Variants in SLC39A6 observed in about 807,000 individuals in gnomAD.
SLC39A6 encodes solute carrier family 39 member 6.
SLC39A6 carries 51 observed loss-of-function variants against 63.5 expected under a neutral mutation model. That is an observed-to-expected ratio of 0.80 (90% CI 0.64 to 1.01). The LOEUF is 1.01. Ranked by LOEUF, SLC39A6 falls within the 50% of genes least tolerant of loss-of-function variation. SLC39A6 has a pLI of 0.00. For synonymous variants in SLC39A6, 318 were observed against 324.7 expected (o/e 0.98, Z 0.22); for missense variants, 805 against 927.8 (o/e 0.87, Z 1.72).
At chr18:36,128,084 A>G (rs1055325028) in intron 1 of SLC39A6, among the ~76,000 whole-genome samples, 1 of 152,230 alleles carries the variant, frequency 6.6e-6, no homozygotes, top group Non-Finnish European at 1.5e-5. Context: ...CAGGCTGTTA[A>G]TCATCCACAG....
Position 36,127,029 on chromosome 18 carries a change from G to A in SLC39A6, c.-9-13C>T, listed in dbSNP as rs370048857. 133 of 1,552,270 alleles carry A rather than the reference G, an allele frequency of 8.6e-5. No individual in the cohort carries two copies. Among genetic ancestry groups the A allele is most frequent in the Middle Eastern group, 5.9e-4 (3 of 5,098 alleles). On this transcript the variant is annotated splice_polypyrimidine_tract_variant and intron_variant, in intron 1 of 9. Coordinates refer to ENST00000269187, the MANE Select transcript of SLC39A6 (RefSeq NM_012319.4). The stretch of plus-strand genomic sequence containing the variant: ...CCATTGCGCCTTCCTAGAAAAGACA[G>A]GAAAAAAAAATTCTTGACTCACTTC...
rs555797878 is a variant in SLC39A6, at chr18:36,126,963, G to C, written c.45C>G (p.Leu15=). The C allele has an allele frequency of 1.9e-6, 3 of 1,614,132 alleles. No homozygotes were observed. Among genetic ancestry groups the C allele is most frequent in the Admixed American group, 1.7e-5 (1 of 60,020 alleles). ...LSVILILTFA[L]SVTNPLHELK... Reference sequence around the variant, plus strand: ...GTTCATGAAGGGGATTTGTGACAGAGAGGGCAAAGGTCAGGATCAAGATTA... The same window carrying C: ...GTTCATGAAGGGGATTTGTGACAGACAGGGCAAAGGTCAGGATCAAGATTA... The change falls in exon 2 of 10, where the codon CTC becomes CTG. Residue 15 remains leucine (L), a synonymous_variant. Coordinates refer to ENST00000269187, the MANE Select transcript of SLC39A6 (RefSeq NM_012319.4).
intron 6 of SLC39A6, among the ~76,000 whole-genome samples, chr18:36,114,970 A>T (rs965221756): frequency 7.2e-5 from 11 of 152,334 alleles, no homozygotes; most frequent in Admixed American, 7.2e-4. Context: ...TTTCATCATC[A>T]CCAAGAAGCA....
At chr18:36,113,816 T>C (rs1449820818) in intron 7 of SLC39A6, among the ~76,000 whole-genome samples, 3 of 152,138 alleles carry the variant, frequency 2.0e-5, no homozygotes, top group African/African-American at 7.2e-5. Flanking sequence ...ACATGCACCA[T>C]ACAAATTAAA....
Position 36,126,559 on chromosome 18 carries a change from T to A in SLC39A6, c.449A>T (p.Asp150Val), listed in dbSNP as rs762332240. The change falls in exon 2 of 10, where the codon GAC becomes GTC. Residue 150 changes from aspartate to valine, a missense_variant. Coordinates refer to ENST00000269187, the MANE Select transcript of SLC39A6 (RefSeq NM_012319.4). ...NKRKALCPDH[D>V]SDSSGKDPRN... Reference sequence around the variant, plus strand: ...AGGATCTTTACCTGAACTATCTGAGTCATGGTCTGGGCAAAGAGCTTTTCG... The same window carrying A: ...AGGATCTTTACCTGAACTATCTGAGACATGGTCTGGGCAAAGAGCTTTTCG... 3.7e-6 allele frequency: 6 copies of A among 1,614,194 alleles called. No homozygotes were observed. The South Asian group carries it at 6.6e-5, about 18-fold the overall frequency.
intron 7 of SLC39A6, among the ~76,000 whole-genome samples, chr18:36,113,694 T>G (rs2089320452): frequency 6.6e-6 from 1 of 152,224 alleles, no homozygotes; most frequent in Non-Finnish European, 1.5e-5. Context: ...TGGACTTAGA[T>G]GTATGAAGAT....
chr18:36,127,469 T>C (rs1176030225), intron 1 of SLC39A6, among the ~76,000 whole-genome samples: 3 of 151,406 alleles, frequency 2.0e-5, no homozygotes, highest in Non-Finnish European at 4.4e-5. Context: ...AGGCCAGGAG[T>C]TTGTGACCAG....
chr18:36,122,626 TCA>T (rs1486093670), intron 4 of SLC39A6, among the ~76,000 whole-genome samples: 1 of 151,128 alleles, frequency 6.6e-6, no homozygotes, highest in Non-Finnish European at 1.5e-5. Context: ...ACCAATGTCA[TCA>T]CACTAGCATT....
At chr18:36,128,615 G>A (rs2089474140) in intron 1 of SLC39A6, among the ~76,000 whole-genome samples, 1 of 152,140 alleles carries the variant, frequency 6.6e-6, no homozygotes, top group Admixed American at 6.5e-5. Context: ...GAGGCGAGGA[G>A]CGGGGTGGGA....
At chr18:36,110,740 C>T (rs1313249921) in intron 9 of SLC39A6, among the ~76,000 whole-genome samples, 2 of 152,096 alleles carry the variant, frequency 1.3e-5, no homozygotes, top group Non-Finnish European at 2.9e-5. Context: ...CAGGGTTTCA[C>T]CATGTTGGCC....
At position 36,124,593 on chromosome 18, in the gene SLC39A6, A is replaced by G. The variant is rs1216704048; in HGVS notation, c.897T>C (p.Asp299=). 1 of 1,594,902 alleles carries G rather than the reference A, an allele frequency of 6.3e-7. No individual in the cohort carries two copies. Among genetic ancestry groups the G allele is most frequent in the South Asian group, 1.1e-5 (1 of 89,810 alleles). ...TTGTATGAATCAGACAAGATCTAGC[A>G]TCAATTTGGTTGATGATGGCTGGAC... ...YLCPAIINQI[D]ARSCLIHTSE... is the part of the protein sequence containing the mutation. Residue 299 remains aspartate, a synonymous_variant, in exon 3 of 10, where the codon GAT becomes GAC. Transcript: ENST00000269187.
At position 36,126,738 on chromosome 18, in the gene SLC39A6, G is replaced by C; in HGVS notation, c.270C>G (p.Ile90Met). 6.2e-7 allele frequency: 1 copy of C among 1,614,158 alleles called. No individual in the cohort carries two copies. The highest frequency in any genetic ancestry group is 8.5e-7 in the Non-Finnish European group (1 of 1,180,022). ...QNIGIDKIKR[I>M]HIHHDHDHHS... is the part of the protein sequence containing the mutation. ...GATGGTCGTGGTCATGGTGTATATG[G>C]ATTCTTTTAATCTTATCTATGCCTA... The change falls in exon 2 of 10, where the codon ATC becomes ATG. Residue 90 changes from isoleucine (I) to methionine (M), a missense_variant. Physicochemically the swap from Ile to Met is conservative, Grantham distance 10 (BLOSUM62 1). This residue lies in a region of SLC39A6 where 639 missense variants were observed against 644.0 expected (regional missense o/e 0.99). Coordinates refer to ENST00000269187, the MANE Select transcript of SLC39A6 (RefSeq NM_012319.4).
chr18:36,128,445 A>C (rs1843509584), intron 1 of SLC39A6, among the ~76,000 whole-genome samples: 1 of 152,130 alleles, frequency 6.6e-6, no homozygotes, highest in Non-Finnish European at 1.5e-5. Flanking sequence ...TACTCGTTAA[A>C]CTCATGTGTT....
intron 6 of SLC39A6, among the ~76,000 whole-genome samples, chr18:36,116,153 C>T (rs149079809): frequency 2.3e-4 from 35 of 152,106 alleles, no homozygotes; most frequent in African/African-American, 7.2e-4. Context: ...GGAAGAATAA[C>T]GTCTACAGAG....
intron 6 of SLC39A6, 139 bp downstream of exon 6, chr18:36,116,535 C>A: frequency 1.7e-6 from 1 of 601,420 alleles, no homozygotes; most frequent in South Asian, 2.0e-5. Context: ...TACTCACTGG[C>A]AATATTTTAC....
At position 36,126,266 on chromosome 18, in the gene SLC39A6, G is replaced by C; in HGVS notation, c.742C>G (p.Arg248Gly). 6.2e-7 allele frequency: 1 copy of C among 1,614,176 alleles called. No homozygotes were observed. Among genetic ancestry groups the C allele is most frequent in the Non-Finnish European group, 8.5e-7 (1 of 1,180,038 alleles). The change falls in exon 2 of 10, where the codon CGA (arginine) becomes GGA (glycine). Residue 248 changes from arginine (R) to glycine (G), a missense_variant. Physicochemically the swap from Arg to Gly is moderately radical, Grantham distance 125 (BLOSUM62 -2). This residue lies in a region of SLC39A6 where 639 missense variants were observed against 644.0 expected (regional missense o/e 0.99). Transcript: ENST00000269187. ...TTTCTGGAATACATAAAGCCTTTTC[G>C]GGGCTCACTCACAGATTCATTTGTT... ...RKTNESVSEP[R>G]KGFMYSRNTN...
Position 36,108,787 on chromosome 18 carries a change from C to T in SLC39A6, c.*806G>A, listed in dbSNP as rs993920950. 2.0e-5 allele frequency: 3 copies of T among 152,142 alleles called. No individual in the cohort carries two copies. The highest frequency in any genetic ancestry group is 1.3e-4 in the Admixed American group (2 of 15,270). 9.4% of individuals were successfully genotyped at this position (152,142 alleles called of 1,614,324 possible). A position where few individuals can be genotyped will look rare whatever the true frequency, so the allele number is the denominator to read the frequency against. On this transcript the variant is annotated 3_prime_UTR_variant, in exon 10 of 10. Transcript: ENST00000269187. ...GTAACCAGAACATCCAGTCATACAGCTTTTGGTGATATATAACTTGGCAAT... is the reference window on the plus strand; with the variant it reads ...GTAACCAGAACATCCAGTCATACAGTTTTTGGTGATATATAACTTGGCAAT...
chr18:36,126,093 G>T, intron 2 of SLC39A6, 126 bp downstream of exon 2: 1 of 960,094 alleles, frequency 1.0e-6, no homozygotes, highest in Non-Finnish European at 1.6e-6. Context: ...CTGAGAAGGT[G>T]GAAATTCCCT....
intron 7 of SLC39A6, among the ~76,000 whole-genome samples, chr18:36,113,122 T>C (rs1417941174): frequency 6.6e-6 from 1 of 151,568 alleles, no homozygotes; most frequent in Admixed American, 6.6e-5. Context: ...AGAGACAGGG[T>C]TTCATTCTGT....
Sources: gnomAD v4.1 joint callset for allele counts (sites outside exome capture counted in the v4.1 genomes callset) on GRCh38, gnomAD v4.1.1 for gene constraint, gnomAD v4.1.1 regional missense constraint, MANE v1.5 for transcripts, NCBI Gene and HGNC (gene_info 2026-07-23, HGNC 2026-07-21) for gene names.